The following NCAM2 variants were observed in gnomAD, a reference collection of about 807,000 sequenced individuals.
NCAM2 encodes neural cell adhesion molecule 2.
In NCAM2, 30 loss-of-function variants were observed where a neutral mutation model predicts 98.1. The observed-to-expected ratio is 0.31, with a 90% confidence interval of 0.23 to 0.41. NCAM2 has a LOEUF of 0.41. Among genes scored for constraint, NCAM2 ranks in the 10% least tolerant of loss-of-function variants. The pLI is 1.00. For missense variants in NCAM2, 867 were observed against 1,005.8 expected, an observed-to-expected ratio of 0.86 and a Z score of 1.87; for synonymous variants, 368 against 342.4, an observed-to-expected ratio of 1.07 and a Z score of -0.83.
chr21:21,342,032 C>T (rs2075056454), intron 8 of NCAM2, among the ~76,000 whole-genome samples: 1 of 152,116 alleles, frequency 6.6e-6, no homozygotes, highest in African/African-American at 2.4e-5. Context: ...TCAGATATCT[C>T]TTCACTTCCC....
chr21:21,214,328 G>T (rs2069778872), intron 1 of NCAM2, among the ~76,000 whole-genome samples: 1 of 152,100 alleles, frequency 6.6e-6, no homozygotes, highest in African/African-American at 2.4e-5. Flanking sequence ...TTTCTAAATA[G>T]CTAGCTCCAT....
chr21:21,051,540 G>A (rs747191990), intron 1 of NCAM2, among the ~76,000 whole-genome samples: 1 of 152,212 alleles, frequency 6.6e-6, no homozygotes, highest in Non-Finnish European at 1.5e-5. Flanking sequence ...AATGCAAATT[G>A]TTTGCAACTC....
In NCAM2 at chr21:21,381,061, G is replaced by A. The variant is rs564393290; in HGVS notation, c.1195+7048G>A. Among the ~76,000 whole-genome samples the A allele has an allele frequency of 6.6e-5, 10 of 152,210 alleles. No homozygotes were observed. In the South Asian group the frequency reaches 2.1e-3, roughly 32 times the overall value. ...GTGAAATTAAAATGTGTCTTTTTAG[G>A]CAGCATATGATAGAATATTGCTTTC... On this transcript the variant is annotated intron_variant, in intron 9 of 17. Coordinates refer to ENST00000400546, the MANE Select transcript of NCAM2 (RefSeq NM_004540.5).
At chr21:21,436,725 TC>T (rs910350417) in intron 12 of NCAM2, among the ~76,000 whole-genome samples, 9 of 151,746 alleles carry the variant, frequency 5.9e-5, no homozygotes, top group African/African-American at 1.9e-4. Flanking sequence ...CCATTATACA[TC>T]CCCTTCCAAT....
intron 9 of NCAM2, among the ~76,000 whole-genome samples, chr21:21,385,890 C>T (rs1482279922): frequency 6.6e-6 from 1 of 152,000 alleles, no homozygotes; most frequent in Non-Finnish European, 1.5e-5. Context: ...ACAATGCATG[C>T]TAAGAAATAT....
intron 1 of NCAM2, among the ~76,000 whole-genome samples, chr21:21,216,631 G>A (rs1012599192): frequency 2.6e-5 from 4 of 152,178 alleles, no homozygotes; most frequent in South Asian, 4.1e-4. Flanking sequence ...TTAGCCAGGG[G>A]CTGAACCATG....
At chr21:21,036,947 TCTC>T (rs755191239) in intron 1 of NCAM2, among the ~76,000 whole-genome samples, 1 of 152,100 alleles carries the variant, frequency 6.6e-6, no homozygotes, top group African/African-American at 2.4e-5. Context: ...CAGAAGCAAA[TCTC>T]CTGCACAAAT....
intron 12 of NCAM2, among the ~76,000 whole-genome samples, chr21:21,454,936 T>C (rs1054612489): frequency 1.6e-4 from 24 of 152,102 alleles, no homozygotes; most frequent in African/African-American, 5.5e-4. Context: ...GTACCATTAT[T>C]TGCATTCTCA....
At chr21:21,234,062 A>T (rs1463579260) in intron 1 of NCAM2, among the ~76,000 whole-genome samples, 1 of 151,840 alleles carries the variant, frequency 6.6e-6, no homozygotes, top group African/African-American at 2.4e-5. Context: ...CCAGTGACAA[A>T]GAGTGTATTT....
At chr21:21,047,014 A>G (rs1182233847) in intron 1 of NCAM2, among the ~76,000 whole-genome samples, 1 of 151,774 alleles carries the variant, frequency 6.6e-6, no homozygotes, top group Non-Finnish European at 1.5e-5. Context: ...AATCTGCCTA[A>G]GTGTTTATAG....
chr21:21,512,606 T>C (rs1602533376), intron 16 of NCAM2, among the ~76,000 whole-genome samples: 1 of 152,076 alleles, frequency 6.6e-6, no homozygotes, highest in South Asian at 2.1e-4. Flanking sequence ...TTACGATCTT[T>C]TTTTCTATTT....
At chr21:21,171,752 G>A (rs2068131778) in intron 1 of NCAM2, among the ~76,000 whole-genome samples, 1 of 152,150 alleles carries the variant, frequency 6.6e-6, no homozygotes, top group South Asian at 2.1e-4. Context: ...AAAGGTAGTA[G>A]AGTACAGTTG....
At chr21:21,189,841 G>A (rs528462890) in intron 1 of NCAM2, among the ~76,000 whole-genome samples, 99 of 152,276 alleles carry the variant, frequency 6.5e-4, no homozygotes, top group African/African-American at 2.2e-3. Context: ...TTATGCTCTA[G>A]TCTTTTCTGG....
chr21:21,329,952 C>T (rs937108869), intron 6 of NCAM2, among the ~76,000 whole-genome samples: 2 of 151,804 alleles, frequency 1.3e-5, no homozygotes, highest in African/African-American at 4.8e-5. Context: ...TCATAGTATC[C>T]CTTTGTTATA....
chr21:21,201,102 G>A (rs1204872450), intron 1 of NCAM2, among the ~76,000 whole-genome samples: 1 of 152,222 alleles, frequency 6.6e-6, no homozygotes, highest in South Asian at 2.1e-4. Flanking sequence ...TACCGTGTGT[G>A]CGGATTACTA....
At chr21:21,020,366 T>C (rs2064407192) in intron 1 of NCAM2, among the ~76,000 whole-genome samples, 1 of 152,168 alleles carries the variant, frequency 6.6e-6, no homozygotes, top group African/African-American at 2.4e-5. Context: ...CTCAGGGCTG[T>C]CCTCCACTCT....
chr21:21,062,073 C>T (rs1408515600), intron 1 of NCAM2, among the ~76,000 whole-genome samples: 1 of 152,046 alleles, frequency 6.6e-6, no homozygotes, highest in Non-Finnish European at 1.5e-5. Context: ...CCTATATTTC[C>T]TTAATATTTA....
At chr21:21,312,534 G>A (rs1221827815) in intron 5 of NCAM2, among the ~76,000 whole-genome samples, 1 of 151,028 alleles carries the variant, frequency 6.6e-6, no homozygotes, top group African/African-American at 2.4e-5. Context: ...ACTGTTTGCT[G>A]ATAACAGTAT....
At chr21:21,221,679 A>T (rs1324726458) in intron 1 of NCAM2, among the ~76,000 whole-genome samples, 1 of 152,180 alleles carries the variant, frequency 6.6e-6, no homozygotes, top group East Asian at 1.9e-4. Flanking sequence ...AAACTAGCAG[A>T]GGCTGGCACA....
Sources: gnomAD v4.1 joint callset for allele counts (sites outside exome capture counted in the v4.1 genomes callset) on GRCh38, gnomAD v4.1.1 for gene constraint, MANE v1.5 for transcripts, NCBI Gene and HGNC (gene_info 2026-07-23, HGNC 2026-07-21) for gene names.